Variants in ENPP2 observed in about 807,000 individuals in gnomAD.
ENPP2 encodes autotaxin.
Under a neutral mutation model 120.2 loss-of-function variants are expected in ENPP2, and 51 were observed. The observed-to-expected ratio is 0.42, with a 90% confidence interval of 0.34 to 0.54. The LOEUF (loss-of-function observed/expected upper bound fraction) is 0.54. ENPP2 is among the 20% of genes least tolerant of loss of function. The pLI, the probability that ENPP2 is intolerant of heterozygous loss-of-function variation, is 0.04. For synonymous variants in ENPP2, 365 were observed against 366.4 expected (o/e 1.00, Z 0.04); for missense variants, 920 against 1,066.5 (o/e 0.86, Z 1.91).
intron 1 of ENPP2, among the ~76,000 whole-genome samples, chr8:119,650,926 G>T: frequency 6.6e-6 from 1 of 151,948 alleles, no homozygotes; most frequent in East Asian, 1.9e-4. Flanking sequence ...TGGGGCAGTT[G>T]TGAGAATTTA....
Position 119,616,293 on chromosome 8 carries a change from A to T in ENPP2, c.749T>A (p.Phe250Tyr). The change falls in exon 8 of 25, where the codon TTT (phenylalanine) becomes TAT (tyrosine). Residue 250 changes from phenylalanine to tyrosine, a missense_variant. By Grantham distance (22) the Phe-to-Tyr change is conservative. Transcript: ENST00000075322. ...ATFHLRGREK[F>Y]NHRWWGGQPL... ...TTGACCTCCCCACCATCTATGATTAAATTTCTCTCGCCCTCGCAGATGAAA... is the reference window on the plus strand; with the variant it reads ...TTGACCTCCCCACCATCTATGATTATATTTCTCTCGCCCTCGCAGATGAAA... The T allele has an allele frequency of 6.2e-7, 1 of 1,608,162 alleles. No homozygotes were observed. The highest frequency in any genetic ancestry group is 8.5e-7 in the Non-Finnish European group (1 of 1,175,846).
intron 1 of ENPP2, among the ~76,000 whole-genome samples, chr8:119,657,370 T>G (rs763460582): frequency 6.6e-6 from 1 of 152,224 alleles, no homozygotes; most frequent in Non-Finnish European, 1.5e-5. Context: ...CCATGCCTCC[T>G]CTATTGAGTT....
chr8:119,576,666 A>T (rs937403669), intron 19 of ENPP2, among the ~76,000 whole-genome samples: 2 of 152,218 alleles, frequency 1.3e-5, no homozygotes, highest in Non-Finnish European at 2.9e-5. Flanking sequence ...ACTTGGCTAT[A>T]GTGCCAGAAT....
At chr8:119,620,250 C>T (rs1815791255) in intron 4 of ENPP2, among the ~76,000 whole-genome samples, 1 of 152,108 alleles carries the variant, frequency 6.6e-6, no homozygotes, top group Non-Finnish European at 1.5e-5. Flanking sequence ...CCAAGGGCTT[C>T]TTTTTTTAAA....
chr8:119,605,393 T>A (rs1814633673), intron 9 of ENPP2, among the ~76,000 whole-genome samples: 1 of 151,454 alleles, frequency 6.6e-6, no homozygotes. Flanking sequence ...GTTAGCTCAT[T>A]GCATCTTTGC....
intron 1 of ENPP2, among the ~76,000 whole-genome samples, chr8:119,661,073 A>T (rs1817906336): frequency 6.6e-6 from 1 of 152,014 alleles, no homozygotes; most frequent in Non-Finnish European, 1.5e-5. Flanking sequence ...GGAACAGAAA[A>T]CCAAACACCG....
rs1007789007 is a variant in ENPP2, at chr8:119,601,581, A to G, written c.834-119T>C. ...TCTCTATTTACCACCATCTGTTTTC[A>G]CTTCATTTGTAGTAAAAGGCCCTCT... On this transcript the variant is annotated intron_variant, in intron 9 of 24. Coordinates refer to ENST00000075322, the MANE Select transcript of ENPP2 (RefSeq NM_001040092.3). The G allele has an allele frequency of 8.5e-6, 6 of 706,856 alleles. No homozygotes were observed. In the African/African-American group the frequency reaches 1.1e-4, roughly 13 times the overall value. The allele number at this position is 706,856 out of a possible 1,614,324, so 43.8% of individuals were successfully genotyped here.
rs66725906 is a variant in ENPP2, at chr8:119,652,287, C to A, written c.22-13760G>T. 9.2e-5 allele frequency among the ~76,000 whole-genome samples: 14 copies of A among 151,952 alleles called. No homozygotes were observed. In the East Asian group the frequency reaches 9.7e-4, roughly 11 times the overall value. On this transcript the variant is annotated intron_variant, in intron 1 of 25. Transcript: ENST00000427067. Reference sequence around the variant, plus strand: ...TGATTTAATCACCTCCCAAAGTCCCCACCTCCTTATATCATCACCTTGGGA... The same window carrying A: ...TGATTTAATCACCTCCCAAAGTCCCAACCTCCTTATATCATCACCTTGGGA...
intron 2 of ENPP2, among the ~76,000 whole-genome samples, chr8:119,630,685 T>C (rs1816600387): frequency 6.6e-6 from 1 of 152,158 alleles, no homozygotes; most frequent in Non-Finnish European, 1.5e-5. Flanking sequence ...AGAAGTACTG[T>C]ACTTAAGATC....
At chr8:119,612,697 C>T (rs897380129) in intron 8 of ENPP2, among the ~76,000 whole-genome samples, 1 of 152,080 alleles carries the variant, frequency 6.6e-6, no homozygotes, top group Admixed American at 6.5e-5. Context: ...GGAGACAATC[C>T]TGGGCAACAA....
intron 2 of ENPP2, among the ~76,000 whole-genome samples, chr8:119,637,474 C>T (rs556921284): frequency 5.3e-4 from 80 of 152,160 alleles, no homozygotes; most frequent in Admixed American, 4.3e-3. Flanking sequence ...TGTCCTAACC[C>T]GGTTGATAAT....
chr8:119,632,436 A>C lies in ENPP2; in HGVS notation c.137-5716T>G, dbSNP rs549357965. Among the ~76,000 whole-genome samples the C allele has an allele frequency of 1.6e-4, 25 of 152,368 alleles. No homozygotes were observed. In the South Asian group the frequency reaches 5.2e-3, roughly 32 times the overall value. ...ATTCTATTGCCGCCTTTTAAAATAC[A>C]TATTCAAATGATGTTATTTTACTTC... On this transcript the variant is annotated intron_variant, in intron 2 of 24. Transcript: ENST00000075322.
chr8:119,616,911 G>A (rs1458665104), intron 7 of ENPP2, among the ~76,000 whole-genome samples: 2 of 152,154 alleles, frequency 1.3e-5, no homozygotes, highest in African/African-American at 4.8e-5. Context: ...TGGTATTTGA[G>A]AGAAGTTTAA....
intron 15 of ENPP2, 93 bp downstream of exon 15, chr8:119,586,093 C>A: frequency 7.4e-7 from 1 of 1,357,644 alleles, no homozygotes; most frequent in Non-Finnish European, 1.0e-6. Flanking sequence ...ACTGATATTT[C>A]TTTCAGTGAT....
chr8:119,618,605 T>C, intron 5 of ENPP2: 2 of 262,728 alleles, frequency 7.6e-6, no homozygotes, highest in Non-Finnish European at 7.4e-6. Context: ...AGTGGCACAA[T>C]CTGGGCTCAA....
intron 1 of ENPP2, among the ~76,000 whole-genome samples, chr8:119,652,063 T>A (rs149202283): frequency 8.5e-5 from 13 of 152,170 alleles, no homozygotes; most frequent in Admixed American, 8.5e-4. Flanking sequence ...GGCTTATATA[T>A]AACATAAATG....
chr8:119,607,809 A>T, intron 9 of ENPP2, 113 bp downstream of exon 9: 2 of 695,158 alleles, frequency 2.9e-6, no homozygotes, highest in Non-Finnish European at 4.7e-6. Context: ...GTAAATATTC[A>T]AAAGTTCTAT....
At chr8:119,638,892 G>A (rs1817172974), upstream of ENPP2, 3 of 1,298,550 alleles carry the variant, frequency 2.3e-6, no homozygotes, top group African/African-American at 1.5e-5. Context: ...CACCTGGGAG[G>A]TTGACAGACT....
chr8:119,601,310 T>C (rs1814289566), intron 10 of ENPP2, 87 bp downstream of exon 10: 1 of 899,876 alleles, frequency 1.1e-6, no homozygotes, highest in African/African-American at 1.7e-5. Flanking sequence ...ACATTGGCTG[T>C]GCTTCTATTC....
Sources: allele counts gnomAD v4.1 joint callset (sites outside exome capture counted in the v4.1 genomes callset), GRCh38; gene constraint gnomAD v4.1.1; transcripts MANE v1.5; gene names NCBI Gene and HGNC (gene_info 2026-07-23, HGNC 2026-07-21).